Variants in FAM111B observed in about 807,000 individuals in gnomAD.
FAM111B encodes serine protease FAM111B.
In FAM111B, 1 loss-of-function variant was observed where a neutral mutation model predicts 2.8. That is an observed-to-expected ratio of 0.36 (90% CI 0.13 to 1.70). FAM111B has a LOEUF of 1.70. Among genes scored for constraint, FAM111B ranks in the 40% most tolerant of loss-of-function variants. The pLI, the probability that FAM111B is intolerant of heterozygous loss-of-function variation, is 0.35. For synonymous variants in FAM111B, 297 were observed against 295.6 expected, an observed-to-expected ratio of 1.00 and a Z score of -0.05; for missense variants, 882 against 878.9, an observed-to-expected ratio of 1.00 and a Z score of -0.04.
intron 3 of FAM111B, among the ~76,000 whole-genome samples, chr11:59,114,815 T>G (rs1006390633): frequency 6.6e-6 from 1 of 152,166 alleles, no homozygotes; most frequent in African/African-American, 2.4e-5. Flanking sequence ...TGTTTGTGTG[T>G]GTGCATGCAC....
At position 59,125,955 on chromosome 11, in the gene FAM111B, G is replaced by A. The variant is rs1860023340; in HGVS notation, c.1858G>A (p.Val620Ile). The A allele has an allele frequency of 6.2e-7, 1 of 1,613,736 alleles. No homozygotes were observed. Among genetic ancestry groups the A allele is most frequent in the Non-Finnish European group, 8.5e-7 (1 of 1,179,776 alleles). Reference sequence around the variant, plus strand: ...AGATCTCTATGATACCACCAGTAATGTATACTGTATGTTTACCCAAAGAAG... The same window carrying A: ...AGATCTCTATGATACCACCAGTAATATATACTGTATGTTTACCCAAAGAAG... ...LVDLYDTTSNVYCMFTQRSFL... is the reference protein window; with the variant it reads ...LVDLYDTTSNIYCMFTQRSFL... Residue 620 changes from valine (V) to isoleucine (I), a missense_variant, in exon 4 of 4, where the codon GTA becomes ATA. Coordinates refer to ENST00000343597, the MANE Select transcript of FAM111B (RefSeq NM_198947.4).
Position 59,125,273 on chromosome 11 carries a change from A to G in FAM111B, c.1176A>G (p.Gln392=), listed in dbSNP as rs533464572. The G allele has an allele frequency of 1.9e-6, 3 of 1,613,954 alleles. No individual in the cohort carries two copies. Among genetic ancestry groups the G allele is most frequent in the South Asian group, 1.1e-5 (1 of 91,074 alleles). The change falls in exon 4 of 4, where the codon CAA becomes CAG. Residue 392 remains glutamine (Q), a synonymous_variant. Coordinates refer to ENST00000343597, the MANE Select transcript of FAM111B (RefSeq NM_198947.4). ...KEAINLLKNY[Q]TLNEAIMHQY... is the part of the protein sequence containing the mutation. ...CAATTAATCTCTTAAAGAATTATCA[A>G]ACGTTGAATGAAGCCATAATGCATC...
At chr11:59,123,080 G>T (rs772672052) in intron 3 of FAM111B, among the ~76,000 whole-genome samples, 44 of 152,070 alleles carry the variant, frequency 2.9e-4, no homozygotes, top group Non-Finnish European at 5.0e-4. Context: ...CCAACTGATT[G>T]TATATGAGTA....
chr11:59,113,931 G>A (rs1859801559), intron 3 of FAM111B, among the ~76,000 whole-genome samples: 1 of 152,348 alleles, frequency 6.6e-6, no homozygotes, highest in East Asian at 1.9e-4. Context: ...TTCTACTTTA[G>A]GGACTAGGCA....
At chr11:59,121,079 A>C (rs2135401654) in intron 3 of FAM111B, among the ~76,000 whole-genome samples, 1 of 152,214 alleles carries the variant, frequency 6.6e-6, no homozygotes, top group East Asian at 1.9e-4. Context: ...GAAAAAAAAA[A>C]AAAAAACAAT....
In FAM111B at chr11:59,126,258, G is replaced by A. The variant is rs1234319938; in HGVS notation, c.2161G>A (p.Glu721Lys). ...CTACGATGAAGAGAAAGGTAAACAA[G>A]AGTCATCACTTCAAGATCATCAGAT... Reference protein sequence around the residue: ...ETYDEEKGKQESSLQDHQIEP... With the variant: ...ETYDEEKGKQKSSLQDHQIEP... Residue 721 changes from glutamate (E) to lysine (K), a missense_variant, in exon 4 of 4, where the codon GAG (glutamate) becomes AAG (lysine). Coordinates refer to ENST00000343597, the MANE Select transcript of FAM111B (RefSeq NM_198947.4). 1 of 1,581,938 alleles carries A rather than the reference G, an allele frequency of 6.3e-7. No homozygotes were observed. Among genetic ancestry groups the A allele is most frequent in the Non-Finnish European group, 8.6e-7 (1 of 1,169,018 alleles).
intron 2 of FAM111B, 56 bp from the exon 3 acceptor site, chr11:59,109,484 A>G: frequency 1.8e-6 from 1 of 555,140 alleles, no homozygotes. Context: ...ACACCACCTG[A>G]TCTCCAGTGT....
At chr11:59,113,849 A>AGAAAACAGAGGGGAAACAGAGGG (rs1859799287) in intron 3 of FAM111B, among the ~76,000 whole-genome samples, 1 of 152,222 alleles carries the variant, frequency 6.6e-6, no homozygotes, top group Non-Finnish European at 1.5e-5. Context: ...CCAATTTGAC[A>AGAAAACAGAGGGGAAACAGAGGG]GAAAACAGAG....
chr11:59,109,035 C>T (rs757218356), intron 2 of FAM111B, among the ~76,000 whole-genome samples: 11 of 152,128 alleles, frequency 7.2e-5, no homozygotes, highest in Non-Finnish European at 1.5e-4. Flanking sequence ...GGAAGAAATA[C>T]CTTGCAGAGT....
chr11:59,125,908 A>C lies in FAM111B; in HGVS notation c.1811A>C (p.Asn604Thr). ...AACGAACGATTGAAAAAATATCCAA[A>C]CGATTGTCAAGATGGGTTGGTAGAT... ...PLNERLKKYP[N>T]DCQDGLVDLY... Residue 604 changes from asparagine (N) to threonine (T), a missense_variant, in exon 4 of 4, where the codon AAC becomes ACC. Transcript: ENST00000343597. 6.2e-7 allele frequency: 1 copy of C among 1,613,818 alleles called. No individual in the cohort carries two copies. Among genetic ancestry groups the C allele is most frequent in the Non-Finnish European group, 8.5e-7 (1 of 1,179,822 alleles).
chr11:59,120,449 T>A (rs775956645), intron 3 of FAM111B, among the ~76,000 whole-genome samples: 19 of 152,236 alleles, frequency 1.2e-4, no homozygotes, highest in Admixed American at 5.2e-4. Context: ...TAATGTATTT[T>A]CTTAGAAAAG....
intron 3 of FAM111B, among the ~76,000 whole-genome samples, chr11:59,115,075 A>T (rs1445470963): frequency 6.6e-6 from 1 of 152,190 alleles, no homozygotes; most frequent in African/African-American, 2.4e-5. Flanking sequence ...CTCACTAATC[A>T]GTACCTGTGT....
chr11:59,124,744 T>C lies in FAM111B; in HGVS notation c.647T>C (p.Leu216Ser). Residue 216 changes from leucine to serine, a missense_variant, in exon 4 of 4, where the codon TTG becomes TCG. Coordinates refer to ENST00000343597, the MANE Select transcript of FAM111B (RefSeq NM_198947.4). ...EKGSKLCIYALKGETIEGALC... is the reference protein window; with the variant it reads ...EKGSKLCIYASKGETIEGALC... ...GGAAGTAAACTTTGTATTTATGCCT[T>C]GAAGGGTGAGACTATTGAAGGAGCC... 1 of 1,613,798 alleles carries C rather than the reference T, an allele frequency of 6.2e-7. No individual in the cohort carries two copies. Among genetic ancestry groups the C allele is most frequent in the Non-Finnish European group, 8.5e-7 (1 of 1,179,808 alleles).
In FAM111B at chr11:59,125,705, T is replaced by TA; in HGVS notation, c.1611dup (p.Val538SerfsTer4). 6.2e-7 allele frequency: 1 copy of TA among 1,613,856 alleles called. No homozygotes were observed. Among genetic ancestry groups the TA allele is most frequent in the African/African-American group, 1.3e-5 (1 of 75,028 alleles). ...ATTGGTTTTCCATTGAGCCATGGCT[T>TA]AAAGTGTCCAATGAAAATCTAGATT... is the stretch of plus-strand genomic sequence containing the variant. On this transcript the variant is annotated frameshift_variant, in exon 4 of 4. Transcript: ENST00000343597. LOFTEE classifies it low-confidence loss of function (END_TRUNC).
At chr11:59,123,908 T>C (rs146690106) in intron 3 of FAM111B, among the ~76,000 whole-genome samples, 67 of 152,254 alleles carry the variant, frequency 4.4e-4, no homozygotes, top group Admixed American at 2.0e-3. Context: ...CCCCATTAAA[T>C]GGTCTTAAGA....
chr11:59,118,313 C>T (rs544541429), intron 3 of FAM111B, among the ~76,000 whole-genome samples: 1 of 152,300 alleles, frequency 6.6e-6, no homozygotes, highest in African/African-American at 2.4e-5. Context: ...AGACCTGGGG[C>T]ATCCCTCTTC....
intron 3 of FAM111B, among the ~76,000 whole-genome samples, chr11:59,116,139 G>C (rs1859838229): frequency 6.6e-6 from 1 of 152,166 alleles, no homozygotes; most frequent in South Asian, 2.1e-4. Context: ...GAAGACTCCA[G>C]AATCTTAGAA....
intron 3 of FAM111B, among the ~76,000 whole-genome samples, chr11:59,122,551 A>G (rs1324287823): frequency 6.6e-6 from 1 of 152,352 alleles, no homozygotes; most frequent in East Asian, 1.9e-4. Context: ...GCTGAGGACT[A>G]TTCACAGGAT....
At position 59,126,152 on chromosome 11, in the gene FAM111B, T is replaced by G; in HGVS notation, c.2055T>G (p.Tyr685Ter). The change falls in exon 4 of 4, where the codon TAT becomes TAG. Residue 685 changes from tyrosine to a stop codon, truncating the protein, a stop_gained. Coordinates refer to ENST00000343597, the MANE Select transcript of FAM111B (RefSeq NM_198947.4). LOFTEE classifies it low-confidence loss of function (END_TRUNC). ...TGCATGCCCTTATTGAATTTGGTTA[T>G]TCTATGGATTCTATTCTTTGTGATA... ...FNVHALIEFG[Y>*]SMDSILCDIK... is the part of the protein sequence containing the mutation. 6.2e-7 allele frequency: 1 copy of G among 1,612,508 alleles called. No individual in the cohort carries two copies. Among genetic ancestry groups the G allele is most frequent in the Non-Finnish European group, 8.5e-7 (1 of 1,179,500 alleles).
Sources: gnomAD v4.1 joint callset for allele counts (sites outside exome capture counted in the v4.1 genomes callset) on GRCh38, gnomAD v4.1.1 for gene constraint, MANE v1.5 for transcripts, NCBI Gene and HGNC (gene_info 2026-07-23, HGNC 2026-07-21) for gene names.